The following HK2 variants were observed in gnomAD, a reference collection of about 807,000 sequenced individuals.
HK2 encodes hexokinase-2.
A neutral mutation model predicts 92.9 loss-of-function variants in HK2; 42 were observed. That is an observed-to-expected ratio of 0.45 (90% CI 0.35 to 0.58). The LOEUF is 0.58. Among genes scored for constraint, HK2 ranks in the 20% least tolerant of loss-of-function variants. The probability of loss-of-function intolerance (pLI) is 0.00; values close to 1 mark genes in which losing one functional copy is unlikely to be tolerated. For synonymous variants in HK2, 422 were observed against 468.0 expected, an observed-to-expected ratio of 0.90 and a Z score of 1.27; for missense variants, 978 against 1,245.1, an observed-to-expected ratio of 0.79 and a Z score of 3.23.
chr2:74,834,341 G>A lies in HK2; in HGVS notation c.-240G>A, dbSNP rs1029293152. Reference sequence around the variant, plus strand: ...TTGACGTGGGACAACCGGACACGTCGCCAGGAGAGAACTGAGGCGCCTTCT... The same window carrying A: ...TTGACGTGGGACAACCGGACACGTCACCAGGAGAGAACTGAGGCGCCTTCT... On this transcript the variant is annotated 5_prime_UTR_variant, in exon 1 of 18. Coordinates refer to ENST00000290573, the MANE Select transcript of HK2 (RefSeq NM_000189.5). This position sits in a 1 kb window ranked among gnomAD's most constrained non-coding sequence, Gnocchi z 4.2. 1.2e-5 allele frequency: 7 copies of A among 584,722 alleles called. No homozygotes were observed. Among genetic ancestry groups the A allele is most frequent in the Admixed American group, 2.8e-5 (1 of 35,422 alleles). 36.2% of individuals were successfully genotyped at this position (584,722 alleles called of 1,614,324 possible).
At chr2:74,841,957 T>TG (rs1283993384) in intron 1 of HK2, among the ~76,000 whole-genome samples, 1 of 152,244 alleles carries the variant, frequency 6.6e-6, no homozygotes, top group Non-Finnish European at 1.5e-5. Context: ...TGACAGTTAC[T>TG]GGGAGAGGCT....
chr2:74,855,238 G>A (rs755545134), intron 2 of HK2, among the ~76,000 whole-genome samples: 16 of 152,124 alleles, frequency 1.1e-4, no homozygotes, highest in Admixed American at 2.6e-4. Context: ...CAGGTGATCC[G>A]CCCGCTTCAG....
At chr2:74,846,951 C>T (rs1410905813) in intron 1 of HK2, among the ~76,000 whole-genome samples, 1 of 152,132 alleles carries the variant, frequency 6.6e-6, no homozygotes, top group East Asian at 1.9e-4. Context: ...ATATAGATGA[C>T]CCGATTGTAT....
intron 2 of HK2, among the ~76,000 whole-genome samples, chr2:74,860,189 C>G (rs72622646): frequency 1.5e-5 from 1 of 64,792 alleles, no homozygotes; most frequent in Non-Finnish European, 3.2e-5. Context: ...GGGTGGGGGG[C>G]ATGAGGGTAG....
At position 74,877,256 on chromosome 2, in the gene HK2, G is replaced by A. The variant is rs143931243; in HGVS notation, c.966G>A (p.Gly322=). The change falls in exon 8 of 18, where the codon GGG becomes GGA. Residue 322 remains glycine, a synonymous_variant. Transcript: ENST00000290573. The part of the protein sequence containing the change: ...KMAKEELLFG[G]KLSPELLNTG... ...CCAAGGAGGAGCTGCTCTTTGGGGGGAAGCTCAGCCCAGAGCTTCTCAACA... is the reference window on the plus strand; with the variant it reads ...CCAAGGAGGAGCTGCTCTTTGGGGGAAAGCTCAGCCCAGAGCTTCTCAACA... 391 of 1,614,170 alleles carry A rather than the reference G, an allele frequency of 2.4e-4. 5 individuals carry two copies. In the African/African-American group the frequency reaches 4.5e-3, roughly 19 times the overall value.
intron 7 of HK2, among the ~76,000 whole-genome samples, chr2:74,876,513 G>A (rs992798790): frequency 1.3e-5 from 2 of 152,200 alleles, no homozygotes; most frequent in South Asian, 2.1e-4. Flanking sequence ...TTTGGGGGCC[G>A]TCCCCTGCCT....
chr2:74,838,639 C>T lies in HK2; in HGVS notation c.63+3996C>T, dbSNP rs547502730. 2.1e-4 allele frequency among the ~76,000 whole-genome samples: 32 copies of T among 151,314 alleles called. No individual in the cohort carries two copies. The South Asian group carries it at 4.4e-3, about 21-fold the overall frequency. ...CTGCAAACTCCACCTCCCGGGTTCA[C>T]GCCATTCTCCTGCCTCAGCCTCCCG... is the stretch of plus-strand genomic sequence containing the variant. On this transcript the variant is annotated intron_variant, in intron 1 of 17. Coordinates refer to ENST00000290573, the MANE Select transcript of HK2 (RefSeq NM_000189.5).
intron 2 of HK2, among the ~76,000 whole-genome samples, chr2:74,859,963 A>G (rs984939416): frequency 1.3e-5 from 2 of 152,228 alleles, no homozygotes; most frequent in Non-Finnish European, 2.9e-5. Context: ...TGTGGTATAT[A>G]TACATAATAG....
At chr2:74,868,669 G>C (rs1689021056) in intron 3 of HK2, among the ~76,000 whole-genome samples, 1 of 152,064 alleles carries the variant, frequency 6.6e-6, no homozygotes, top group African/African-American at 2.4e-5. Flanking sequence ...GGATGTGGTT[G>C]CCTTTTCTTC....
rs756426288 is a variant in HK2 at position 74,877,288 on chromosome 2, G to A, written c.998G>A (p.Arg333His). 3.1e-6 allele frequency: 5 copies of A among 1,614,040 alleles called. No homozygotes were observed. Among genetic ancestry groups the A allele is most frequent in the Non-Finnish European group, 4.2e-6 (5 of 1,180,048 alleles). Residue 333 changes from arginine (R) to histidine (H), a missense_variant, in exon 8 of 18, where the codon CGC (arginine) becomes CAC (histidine). Physicochemically the swap from Arg to His is conservative, Grantham distance 29. This residue lies in a region of HK2 where 742 missense variants were observed against 922.5 expected (regional missense o/e 0.80). Coordinates refer to ENST00000290573, the MANE Select transcript of HK2 (RefSeq NM_000189.5). ...AGCCCAGAGCTTCTCAACACCGGTC[G>A]CTTTGAGACCAAAGACATCTCAGAC... ...KLSPELLNTG[R>H]FETKDISDIE...
In HK2 at chr2:74,889,431, C is replaced by T. The variant is rs1558807507; in HGVS notation, c.2562C>T (p.Leu854=). The T allele has an allele frequency of 6.2e-7, 1 of 1,613,766 alleles. No individual in the cohort carries two copies. Among genetic ancestry groups the T allele is most frequent in the Non-Finnish European group, 8.5e-7 (1 of 1,179,918 alleles). Reference sequence around the variant, plus strand: ...GAGAAAACCGTGGGCTGGACGCTCTCAAAGTGACAGTGGGTGTGGATGGGA... The same window carrying T: ...GAGAAAACCGTGGGCTGGACGCTCTTAAAGTGACAGTGGGTGTGGATGGGA... ...RIRENRGLDA[L]KVTVGVDGTL... Residue 854 remains leucine, a synonymous_variant, in exon 17 of 18, where the codon CTC becomes CTT. Coordinates refer to ENST00000290573, the MANE Select transcript of HK2 (RefSeq NM_000189.5).
intron 2 of HK2, among the ~76,000 whole-genome samples, chr2:74,862,156 T>C (rs1438849689): frequency 6.6e-6 from 1 of 152,244 alleles, no homozygotes; most frequent in Non-Finnish European, 1.5e-5. Context: ...GTAGGTACGC[T>C]GAACTTCACT....
At chr2:74,881,464 G>A (rs28363037) in intron 10 of HK2, among the ~76,000 whole-genome samples, 1,609 of 152,324 alleles carry the variant, frequency 0.011, 32 homozygotes, top group African/African-American at 0.036. Context: ...AGGGTTGAAC[G>A]AGGACTGTGT....
intron 1 of HK2, among the ~76,000 whole-genome samples, chr2:74,839,979 G>A (rs552629961): frequency 5.4e-5 from 5 of 92,068 alleles, no homozygotes; most frequent in Admixed American, 4.5e-4. Context: ...TTTTTGAGAT[G>A]GAGTCTCACT....
intron 17 of HK2, 138 bp downstream of exon 17, chr2:74,889,616 T>C (rs1462997115): frequency 4.0e-6 from 3 of 743,766 alleles, no homozygotes; most frequent in Non-Finnish European, 7.1e-6. Flanking sequence ...TGGATTATAG[T>C]TTAAAGATTC....
At position 74,834,535 on chromosome 2, in the gene HK2, G is replaced by C; in HGVS notation, c.-46G>C. The C allele has an allele frequency of 1.2e-6, 2 of 1,605,130 alleles. No homozygotes were observed. The highest frequency in any genetic ancestry group is 1.1e-5 in the South Asian group (1 of 90,856). ...CCGCGCCGCCCGCCTCCCCTCTCGC[G>C]TCTCCGCCTCGGTTTCCCAACTCTG... is the stretch of plus-strand genomic sequence containing the variant. On this transcript the variant is annotated 5_prime_UTR_variant, in exon 1 of 18. Transcript: ENST00000290573. This position sits in a 1 kb window ranked among gnomAD's most constrained non-coding sequence, Gnocchi z 4.2.
intron 3 of HK2, among the ~76,000 whole-genome samples, chr2:74,870,306 G>A (rs992907355): frequency 1.3e-5 from 2 of 152,106 alleles, no homozygotes; most frequent in Non-Finnish European, 2.9e-5. Flanking sequence ...CACTGCGCCG[G>A]CCTGTTTTAA....
At chr2:74,878,983 C>A (rs1047427723) in intron 9 of HK2, 62 bp downstream of exon 9, 6 of 1,338,328 alleles carry the variant, frequency 4.5e-6, no homozygotes, top group Non-Finnish European at 6.3e-6. Context: ...CTGAGTGACT[C>A]CTCATGCCAG....
rs761204336 is a variant in HK2 at position 74,877,247 on chromosome 2, C to G, written c.957C>G (p.Leu319=). 2 of 1,614,122 alleles carry G rather than the reference C, an allele frequency of 1.2e-6. No homozygotes were observed. Among genetic ancestry groups the G allele is most frequent in the South Asian group, 1.1e-5 (1 of 91,088 alleles). Residue 319 remains leucine, a synonymous_variant, in exon 8 of 18, where the codon CTC becomes CTG. Coordinates refer to ENST00000290573, the MANE Select transcript of HK2 (RefSeq NM_000189.5). ...ILVKMAKEEL[L]FGGKLSPELL... The stretch of plus-strand genomic sequence containing the variant: ...TGAAGATGGCCAAGGAGGAGCTGCT[C>G]TTTGGGGGGAAGCTCAGCCCAGAGC...
Sources: allele counts gnomAD v4.1 joint callset (sites outside exome capture counted in the v4.1 genomes callset), GRCh38; gene constraint gnomAD v4.1.1; regional missense constraint gnomAD v4.1.1; non-coding constraint Gnocchi (gnomAD v3.1); transcripts MANE v1.5; gene names NCBI Gene and HGNC (gene_info 2026-07-23, HGNC 2026-07-21).